ST6GALNAC3: variants seen among roughly 807,000 people sequenced by gnomAD.
ST6GALNAC3 encodes alpha-N-acetylgalactosaminide alpha-2,6-sialyltransferase 3.
In ST6GALNAC3, 25 loss-of-function variants were observed where a neutral mutation model predicts 32.7. The observed-to-expected ratio is 0.76, with a 90% CI of 0.56 to 1.07. The LOEUF is 1.07. ST6GALNAC3 is among the 50% of genes least tolerant of loss of function. The pLI is 0.00. For missense variants in ST6GALNAC3, 355 were observed against 382.4 expected, an observed-to-expected ratio of 0.93 and a Z score of 0.60; for synonymous variants, 129 against 133.1, an observed-to-expected ratio of 0.97 and a Z score of 0.21.
chr1:76,229,690 T>C (rs1181681065), intron 1 of ST6GALNAC3, among the ~76,000 whole-genome samples: 1 of 152,224 alleles, frequency 6.6e-6, no homozygotes, highest in Non-Finnish European at 1.5e-5. Context: ...ATGTAGCTGT[T>C]GTTCCTTCAG....
chr1:76,563,243 C>T (rs1026696095), intron 3 of ST6GALNAC3, among the ~76,000 whole-genome samples: 11 of 152,154 alleles, frequency 7.2e-5, no homozygotes, highest in Admixed American at 2.6e-4. Flanking sequence ...GACAGAGACC[C>T]GGGGAAGGGG....
intron 3 of ST6GALNAC3, among the ~76,000 whole-genome samples, chr1:76,499,934 G>A (rs1275058112): frequency 6.6e-6 from 1 of 151,854 alleles, no homozygotes; most frequent in Admixed American, 6.6e-5. Context: ...ATTTCTAACT[G>A]GAATACTATG....
At chr1:76,354,607 T>C (rs1335095209) in intron 2 of ST6GALNAC3, among the ~76,000 whole-genome samples, 1 of 152,224 alleles carries the variant, frequency 6.6e-6, no homozygotes, top group Non-Finnish European at 1.5e-5. Flanking sequence ...TAAAGTGAAG[T>C]AATCCATCAG....
At position 76,104,088 on chromosome 1, in the gene ST6GALNAC3, C is replaced by T. The variant is rs567919383; in HGVS notation, c.18+29204C>T. Among the ~76,000 whole-genome samples, 589 of 152,272 alleles carry T rather than the reference C, an allele frequency of 3.9e-3. 5 individuals are homozygous for T. The highest frequency in any genetic ancestry group is 0.013 in the African/African-American group (542 of 41,570). On this transcript the variant is annotated intron_variant, in intron 1 of 4. Transcript: ENST00000328299. Reference sequence around the variant, plus strand: ...AATAGGAAGACTTTTTACAAAAAGTCTGTTTCAGATAATTCTAGTATCTGG... The same window carrying T: ...AATAGGAAGACTTTTTACAAAAAGTTTGTTTCAGATAATTCTAGTATCTGG...
chr1:76,378,665 C>G (rs1007225022), intron 2 of ST6GALNAC3, among the ~76,000 whole-genome samples: 2 of 101,560 alleles, frequency 2.0e-5, no homozygotes, highest in Non-Finnish European at 2.0e-5. Flanking sequence ...TCCTTCCCCC[C>G]CCCAAAAAAA....
At chr1:76,105,999 A>G (rs1383131522) in intron 1 of ST6GALNAC3, among the ~76,000 whole-genome samples, 1 of 152,168 alleles carries the variant, frequency 6.6e-6, no homozygotes, top group African/African-American at 2.4e-5. Flanking sequence ...GTGTGCAGGT[A>G]TTTGCTCTGC....
chr1:76,130,344 C>T (rs936923483), intron 1 of ST6GALNAC3, among the ~76,000 whole-genome samples: 12 of 152,162 alleles, frequency 7.9e-5, no homozygotes, highest in South Asian at 4.1e-4. Flanking sequence ...AATTCAGCCC[C>T]GTGGGCTAAT....
At chr1:76,202,428 G>T (rs1251150055) in intron 1 of ST6GALNAC3, among the ~76,000 whole-genome samples, 1 of 152,118 alleles carries the variant, frequency 6.6e-6, no homozygotes, top group Non-Finnish European at 1.5e-5. Flanking sequence ...TGTGTGTGAA[G>T]CCCTAAGCTT....
At chr1:76,460,631 C>T (rs1658216863) in intron 3 of ST6GALNAC3, among the ~76,000 whole-genome samples, 1 of 152,150 alleles carries the variant, frequency 6.6e-6, no homozygotes, top group Admixed American at 6.6e-5. Context: ...TCAGGATTTG[C>T]CATCAAAGTC....
chr1:76,253,473 T>C (rs1657737918), intron 1 of ST6GALNAC3, among the ~76,000 whole-genome samples: 1 of 152,106 alleles, frequency 6.6e-6, no homozygotes, highest in South Asian at 2.1e-4. Context: ...AAAGCTTTCA[T>C]GAGAGCAAGA....
At chr1:76,512,692 C>T (rs1661939440) in intron 3 of ST6GALNAC3, among the ~76,000 whole-genome samples, 1 of 152,088 alleles carries the variant, frequency 6.6e-6, no homozygotes, top group Non-Finnish European at 1.5e-5. Context: ...TAACTTTGTA[C>T]CCGTTGACCA....
At chr1:76,114,668 G>A (rs1289197947) in intron 1 of ST6GALNAC3, among the ~76,000 whole-genome samples, 2 of 152,102 alleles carry the variant, frequency 1.3e-5, no homozygotes, top group Non-Finnish European at 2.9e-5. Flanking sequence ...TCTCACTTTG[G>A]GAGGCCAAGG....
Position 76,629,822 on chromosome 1 carries a change from T to C in ST6GALNAC3, c.*1016T>C, listed in dbSNP as rs1281281790. On this transcript the variant is annotated 3_prime_UTR_variant, in exon 5 of 5. Transcript: ENST00000328299. Reference sequence around the variant, plus strand: ...TTTGTATATTCAAATTTCTATTTTATAGGCCCAAGGTGTGTTTCTCCAAAC... The same window carrying C: ...TTTGTATATTCAAATTTCTATTTTACAGGCCCAAGGTGTGTTTCTCCAAAC... 4 of 977,488 alleles carry C rather than the reference T, an allele frequency of 4.1e-6. No homozygotes were observed. The African/African-American group carries it at 7.0e-5, about 17-fold the overall frequency. The allele number at this position is 977,488 out of a possible 1,614,324, so 60.6% of individuals were successfully genotyped here. A position where few individuals can be genotyped will look rare whatever the true frequency, so the allele number is the denominator to read the frequency against.
At chr1:76,171,719 C>T (rs1652512177) in intron 1 of ST6GALNAC3, among the ~76,000 whole-genome samples, 2 of 151,396 alleles carry the variant, frequency 1.3e-5, no homozygotes, top group South Asian at 4.2e-4. Context: ...GACACATACA[C>T]CCTACCAAGA....
Position 76,154,946 on chromosome 1 carries a change from G to A in ST6GALNAC3, c.18+80062G>A, listed in dbSNP as rs796868290. Among the ~76,000 whole-genome samples, 3 of 152,256 alleles carry A rather than the reference G, an allele frequency of 2.0e-5. No individual in the cohort carries two copies. The East Asian group carries it at 5.8e-4, about 29-fold the overall frequency. On this transcript the variant is annotated intron_variant, in intron 1 of 4. Transcript: ENST00000328299. Reference sequence around the variant, plus strand: ...TCAGTTTCTTGGCCCTTGATTAGAAGTTCCTTCTGATTACAAAACACCTCT... The same window carrying A: ...TCAGTTTCTTGGCCCTTGATTAGAAATTCCTTCTGATTACAAAACACCTCT...
At chr1:76,385,393 C>T (rs926387143) in intron 2 of ST6GALNAC3, among the ~76,000 whole-genome samples, 2 of 152,002 alleles carry the variant, frequency 1.3e-5, no homozygotes, top group African/African-American at 4.8e-5. Context: ...TAGGGTAGTA[C>T]GATGTAGTGG....
intron 1 of ST6GALNAC3, among the ~76,000 whole-genome samples, chr1:76,142,272 G>T (rs1310977106): frequency 3.9e-5 from 6 of 152,202 alleles, no homozygotes; most frequent in Non-Finnish European, 5.9e-5. Flanking sequence ...TACAACATCA[G>T]CGGCTTAAAT....
At chr1:76,284,324 G>A (rs1457645822) in intron 1 of ST6GALNAC3, among the ~76,000 whole-genome samples, 1 of 152,182 alleles carries the variant, frequency 6.6e-6, no homozygotes. Flanking sequence ...TTTGAAGCCA[G>A]AAACAGTCAA....
chr1:76,144,439 A>G (rs438166), intron 1 of ST6GALNAC3, among the ~76,000 whole-genome samples: 21,735 of 152,218 alleles, frequency 0.14, 1,716 homozygotes, highest in African/African-American at 0.16. Context: ...CTCTAGTTGA[A>G]CTTGACAAAT....
Sources: allele counts gnomAD v4.1 joint callset (sites outside exome capture counted in the v4.1 genomes callset), GRCh38; gene constraint gnomAD v4.1.1; transcripts MANE v1.5; gene names NCBI Gene and HGNC (gene_info 2026-07-23, HGNC 2026-07-21).